Variants in EPC2 observed in about 807,000 individuals in gnomAD.
The protein encoded by EPC2 is enhancer of polycomb 2, also known as enhancer of polycomb homolog 2.
Under a neutral mutation model 92.1 loss-of-function variants are expected in EPC2, and 14 were observed. That is an observed-to-expected ratio of 0.15 (90% CI 0.10 to 0.24). The LOEUF is 0.24. Ranked by LOEUF, EPC2 falls within the 10% of genes least tolerant of loss-of-function variation. The pLI is 1.00. For missense variants in EPC2, 755 were observed against 971.5 expected, an observed-to-expected ratio of 0.78 and a Z score of 2.96; for synonymous variants, 340 against 334.7, an observed-to-expected ratio of 1.02 and a Z score of -0.17.
intron 2 of EPC2, among the ~76,000 whole-genome samples, chr2:148,741,112 A>G (rs770236002): frequency 6.6e-6 from 1 of 152,184 alleles, no homozygotes; most frequent in African/African-American, 2.4e-5. Context: ...TAAATGAATC[A>G]TACTTACAAA....
Position 148,783,615 on chromosome 2 carries a change from T to G in EPC2, c.1876T>G (p.Cys626Gly). Residue 626 changes from cysteine to glycine, a missense_variant, in exon 12 of 14, where the codon TGT becomes GGT. By Grantham distance (159) the Cys-to-Gly change is radical. Coordinates refer to ENST00000258484, the MANE Select transcript of EPC2 (RefSeq NM_015630.4). The part of the protein sequence containing the change: ...PKAQGSSTSD[C>G]MSKTLDSASA... ...TTTATAGGGCTCAAGCACCTCTGAC[T>G]GTATGTCTAAAACACTTGACTCAGC... is the stretch of plus-strand genomic sequence containing the variant. 1 of 1,607,610 alleles carries G rather than the reference T, an allele frequency of 6.2e-7. No homozygotes were observed. The highest frequency in any genetic ancestry group is 8.5e-7 in the Non-Finnish European group (1 of 1,176,762).
chr2:148,657,884 TTGTG>T (rs35739873), intron 1 of EPC2, among the ~76,000 whole-genome samples: 59 of 149,728 alleles, frequency 3.9e-4, no homozygotes, highest in Admixed American at 8.7e-4. Context: ...ATCACTCATT[TTGTG>T]TGTGTGTGTG....
intron 3 of EPC2, among the ~76,000 whole-genome samples, chr2:148,744,095 A>G (rs1203879707): frequency 6.6e-6 from 1 of 152,150 alleles, no homozygotes; most frequent in Non-Finnish European, 1.5e-5. Flanking sequence ...CAGTCATCTT[A>G]TGTCAAATCT....
chr2:148,713,101 C>G (rs1682185746), intron 2 of EPC2, among the ~76,000 whole-genome samples: 1 of 152,176 alleles, frequency 6.6e-6, no homozygotes, highest in African/African-American at 2.4e-5. Flanking sequence ...ATTTACTATT[C>G]TATACTTTTT....
intron 1 of EPC2, among the ~76,000 whole-genome samples, chr2:148,663,991 A>T (rs1202753135): frequency 6.6e-6 from 1 of 152,042 alleles, no homozygotes; most frequent in Non-Finnish European, 1.5e-5. Flanking sequence ...CCCCTGCTAT[A>T]TAGTACATGT....
At chr2:148,648,000 T>C (rs1245697633) in intron 1 of EPC2, among the ~76,000 whole-genome samples, 2 of 152,250 alleles carry the variant, frequency 1.3e-5, no homozygotes, top group Non-Finnish European at 2.9e-5. Context: ...GTGCTAAACT[T>C]GGATACTTTT....
At chr2:148,758,325 ATTAAAC>A (rs1394197070) in intron 4 of EPC2, among the ~76,000 whole-genome samples, 1 of 152,230 alleles carries the variant, frequency 6.6e-6, no homozygotes, top group Non-Finnish European at 1.5e-5. Context: ...ACTAATGGAT[ATTAAAC>A]TTAAGGGGGG....
chr2:148,678,359 G>T (rs1243080578), intron 1 of EPC2, among the ~76,000 whole-genome samples: 1 of 152,254 alleles, frequency 6.6e-6, no homozygotes. Flanking sequence ...CCGCACCAGG[G>T]CTGCAGATGG....
intron 1 of EPC2, among the ~76,000 whole-genome samples, chr2:148,667,767 G>C (rs1157726079): frequency 6.6e-6 from 1 of 152,046 alleles, no homozygotes; most frequent in Non-Finnish European, 1.5e-5. Context: ...AGTTTTTTTT[G>C]TAATGCCCTT....
chr2:148,723,658 A>G (rs934370553), intron 2 of EPC2, among the ~76,000 whole-genome samples: 11 of 152,280 alleles, frequency 7.2e-5, no homozygotes, highest in African/African-American at 2.2e-4. Context: ...AGTTTCTTCT[A>G]AGTTTCTTAC....
chr2:148,748,128 A>G (rs571787412), intron 3 of EPC2, among the ~76,000 whole-genome samples: 3 of 152,166 alleles, frequency 2.0e-5, no homozygotes, highest in East Asian at 1.9e-4. Context: ...GATTCACAAG[A>G]TTGTTTCACA....
chr2:148,729,406 C>G (rs1427219588), intron 2 of EPC2, among the ~76,000 whole-genome samples: 2 of 152,124 alleles, frequency 1.3e-5, no homozygotes, highest in Non-Finnish European at 2.9e-5. Flanking sequence ...ATCTATACCT[C>G]TCATCCAGTT....
At chr2:148,662,063 A>G (rs1173855466) in intron 1 of EPC2, among the ~76,000 whole-genome samples, 2 of 152,254 alleles carry the variant, frequency 1.3e-5, no homozygotes, top group Non-Finnish European at 2.9e-5. Flanking sequence ...AACACATGAA[A>G]AAATGCTCAT....
chr2:148,687,209 T>C (rs1158919635), intron 1 of EPC2, among the ~76,000 whole-genome samples: 2 of 152,222 alleles, frequency 1.3e-5, no homozygotes, highest in Non-Finnish European at 2.9e-5. Flanking sequence ...CTCTGCCATC[T>C]TCTAACTTTT....
At chr2:148,696,629 A>C (rs1332510525) in intron 2 of EPC2, among the ~76,000 whole-genome samples, 1 of 152,248 alleles carries the variant, frequency 6.6e-6, no homozygotes, top group East Asian at 1.9e-4. Flanking sequence ...TTGGTCTTCA[A>C]GCATTTTGAA....
At chr2:148,756,342 GTTT>G (rs1683190619) in intron 4 of EPC2, among the ~76,000 whole-genome samples, 2 of 152,158 alleles carry the variant, frequency 1.3e-5, no homozygotes. Flanking sequence ...AGTTAGAAAT[GTTT>G]ATGTGATTTG....
chr2:148,691,750 A>AG (rs1681649079), intron 2 of EPC2: 1 of 925,238 alleles, frequency 1.1e-6, no homozygotes, highest in South Asian at 1.4e-5. Flanking sequence ...GTTCTCAGGA[A>AG]GATTTTTTGC....
At chr2:148,783,950 T>G (rs1683808908) in intron 12 of EPC2, among the ~76,000 whole-genome samples, 194 bp downstream of exon 12, 1 of 152,240 alleles carries the variant, frequency 6.6e-6, no homozygotes, top group Admixed American at 6.5e-5. Context: ...CCTTGTTTTC[T>G]CCCTCATCCA....
At chr2:148,655,325 T>C (rs553516375) in intron 1 of EPC2, among the ~76,000 whole-genome samples, 5 of 152,308 alleles carry the variant, frequency 3.3e-5, no homozygotes, top group Non-Finnish European at 7.4e-5. Context: ...CATGGACTCT[T>C]TTGGCAGTCT....
Sources: allele counts gnomAD v4.1 joint callset (sites outside exome capture counted in the v4.1 genomes callset), GRCh38; gene constraint gnomAD v4.1.1; transcripts MANE v1.5; gene names NCBI Gene and HGNC (gene_info 2026-07-23, HGNC 2026-07-21).